Variants in PTPDC1 observed in about 807,000 individuals in gnomAD.
PTPDC1 encodes protein tyrosine phosphatase domain-containing protein 1.
A neutral mutation model predicts 75.3 loss-of-function variants in PTPDC1; 53 were observed. The ratio of observed to expected loss-of-function variants is 0.70; its 90% CI spans 0.56 to 0.88. The LOEUF (loss-of-function observed/expected upper bound fraction) is 0.88, where lower values mean the gene tolerates loss of function less well. PTPDC1 is among the 40% of genes least tolerant of loss of function. PTPDC1 has a pLI of 0.00. For missense variants in PTPDC1, 925 were observed against 998.6 expected, an observed-to-expected ratio of 0.93 and a Z score of 0.99; for synonymous variants, 349 against 366.2, an observed-to-expected ratio of 0.95 and a Z score of 0.54.
chr9:94,106,518 G>A (rs1350255327), intron 8 of PTPDC1, among the ~76,000 whole-genome samples: 1 of 152,154 alleles, frequency 6.6e-6, no homozygotes, highest in East Asian at 1.9e-4. Context: ...CATGAGACTT[G>A]AGAGACAAGG....
intron 7 of PTPDC1, among the ~76,000 whole-genome samples, chr9:94,103,034 G>A (rs1299814225): frequency 1.6e-5 from 2 of 128,794 alleles, no homozygotes; most frequent in Admixed American, 1.6e-4. Flanking sequence ...ACACATGGAC[G>A]GATGCACATG....
At chr9:94,048,896 G>A (rs182792528) in intron 1 of PTPDC1, among the ~76,000 whole-genome samples, 250 of 152,228 alleles carry the variant, frequency 1.6e-3, no homozygotes, top group South Asian at 0.014. Flanking sequence ...CTCCTGTATT[G>A]GGTGTATATA....
rs536882945 is a variant in PTPDC1, at chr9:94,077,241, A to C, written c.83-8010A>C. Among the ~76,000 whole-genome samples the C allele has an allele frequency of 9.2e-5, 14 of 152,332 alleles. No individual in the cohort carries two copies. In the South Asian group the frequency reaches 2.3e-3, roughly 25 times the overall value. ...TCTCATAACATGTTTCTGACACCAGATGTGCGGGGTTTTTTCCACACACCA... is the reference window on the plus strand; with the variant it reads ...TCTCATAACATGTTTCTGACACCAGCTGTGCGGGGTTTTTTCCACACACCA... On this transcript the variant is annotated intron_variant, in intron 2 of 9. Transcript: ENST00000375360.
In PTPDC1 at chr9:94,085,164, T is replaced by A. The variant is rs1587886226; in HGVS notation, c.245-87T>A. ...TTTTGCACTGGCTTGTCATCTACCA[T>A]CCTGAGATAAAATGGAAGCTATTTC... On this transcript the variant is annotated intron_variant, in intron 1 of 8. Coordinates refer to ENST00000620992, the MANE Select transcript of PTPDC1 (RefSeq NM_001253829.2). The A allele has an allele frequency of 6.6e-6, 8 of 1,208,810 alleles. No individual in the cohort carries two copies. In the East Asian group the frequency reaches 1.9e-4, roughly 29 times the overall value. The allele number at this position is 1,208,810 out of a possible 1,614,324, so 74.9% of individuals were successfully genotyped here.
chr9:94,088,534 A>T (rs1440477702), intron 4 of PTPDC1, among the ~76,000 whole-genome samples: 1 of 152,162 alleles, frequency 6.6e-6, no homozygotes, highest in Admixed American at 6.5e-5. Flanking sequence ...CTATTATCTC[A>T]TTTAACCCTT....
intron 2 of PTPDC1, among the ~76,000 whole-genome samples, chr9:94,077,814 A>C (rs1032626228): frequency 1.3e-5 from 2 of 152,188 alleles, no homozygotes; most frequent in African/African-American, 4.8e-5. Flanking sequence ...CTGTAATCCT[A>C]CCTTGGTCTT....
intron 7 of PTPDC1, among the ~76,000 whole-genome samples, chr9:94,103,033 CG>C (rs1312127740): frequency 7.0e-6 from 1 of 143,658 alleles, no homozygotes; most frequent in Admixed American, 7.1e-5. Context: ...GACACATGGA[CG>C]GATGCACATG....
chr9:94,059,119 T>C (rs1386900572), intron 1 of PTPDC1, among the ~76,000 whole-genome samples: 2 of 152,154 alleles, frequency 1.3e-5, no homozygotes, highest in African/African-American at 2.4e-5. Context: ...TTGACACTTA[T>C]CCTTGCGATA....
chr9:94,060,751 T>G (rs2118491244), intron 1 of PTPDC1, among the ~76,000 whole-genome samples: 1 of 152,246 alleles, frequency 6.6e-6, no homozygotes, highest in African/African-American at 2.4e-5. Flanking sequence ...TCACTCACTA[T>G]ACACTACCAA....
At chr9:94,057,555 C>T (rs762099761) in intron 1 of PTPDC1, among the ~76,000 whole-genome samples, 4 of 152,090 alleles carry the variant, frequency 2.6e-5, no homozygotes, top group African/African-American at 2.4e-5. Flanking sequence ...ACTTAAAAGC[C>T]AGGTGTTGTG....
chr9:94,061,536 G>T (rs1826137664), intron 1 of PTPDC1, among the ~76,000 whole-genome samples: 2 of 152,368 alleles, frequency 1.3e-5, no homozygotes, highest in South Asian at 4.1e-4. Flanking sequence ...CCTGCAGCAG[G>T]CTTCGGCCTG....
upstream of PTPDC1, among the ~76,000 whole-genome samples, chr9:94,082,439 T>C (rs891345518): frequency 2.0e-5 from 3 of 152,246 alleles, no homozygotes; most frequent in Non-Finnish European, 4.4e-5. Context: ...TGCCCACTTA[T>C]AGAAATTAAG....
chr9:94,058,263 C>T (rs1826007612), intron 1 of PTPDC1, among the ~76,000 whole-genome samples: 9 of 152,044 alleles, frequency 5.9e-5, no homozygotes. Context: ...TGGTTGAGTA[C>T]CGATCTGCAC....
rs1159709647 is a variant in PTPDC1 at position 94,109,475 on chromosome 9, T to C, written c.*1531T>C. On this transcript the variant is annotated 3_prime_UTR_variant, in exon 9 of 9. Transcript: ENST00000620992. Reference sequence around the variant, plus strand: ...GTTTTAATTTTCTTGGGAAATTGAGTCCAGTGGATGTTAATGGAGTGGGTT... The same window carrying C: ...GTTTTAATTTTCTTGGGAAATTGAGCCCAGTGGATGTTAATGGAGTGGGTT... 3.3e-5 allele frequency: 5 copies of C among 152,182 alleles called. No homozygotes were observed. Among genetic ancestry groups the C allele is most frequent in the African/African-American group, 1.2e-4 (5 of 41,430 alleles). The allele number at this position is 152,182 out of a possible 1,614,324, so 9.4% of individuals were successfully genotyped here.
chr9:94,042,638 A>G (rs1205761352), intron 1 of PTPDC1, among the ~76,000 whole-genome samples: 1 of 152,212 alleles, frequency 6.6e-6, no homozygotes, highest in Non-Finnish European at 1.5e-5. Context: ...ATGGCTGCTG[A>G]CTGATCGGGA....
At chr9:94,073,536 A>G (rs2117914400) in intron 2 of PTPDC1, among the ~76,000 whole-genome samples, 1 of 152,092 alleles carries the variant, frequency 6.6e-6, no homozygotes, top group East Asian at 1.9e-4. Flanking sequence ...AATTTTCTTC[A>G]CAGAGCCAGC....
intron 2 of PTPDC1, among the ~76,000 whole-genome samples, chr9:94,068,013 T>C (rs2117887849): frequency 6.6e-6 from 1 of 152,350 alleles, no homozygotes; most frequent in African/African-American, 2.4e-5. Flanking sequence ...TGTATTTTGC[T>C]GATAATATCG....
At chr9:94,061,995 T>A (rs1826157061) in intron 1 of PTPDC1, among the ~76,000 whole-genome samples, 1 of 152,242 alleles carries the variant, frequency 6.6e-6, no homozygotes, top group African/African-American at 2.4e-5. Context: ...GGCTGCAAAT[T>A]TTCCAAACTT....
At chr9:94,031,624 T>C (rs1829728955) in intron 1 of PTPDC1, among the ~76,000 whole-genome samples, 1 of 152,126 alleles carries the variant, frequency 6.6e-6, no homozygotes, top group South Asian at 2.1e-4. Flanking sequence ...ATGGGTGATA[T>C]TGCTCATGTT....
Sources: gnomAD v4.1 joint callset for allele counts (sites outside exome capture counted in the v4.1 genomes callset) on GRCh38, gnomAD v4.1.1 for gene constraint, MANE v1.5 for transcripts, NCBI Gene and HGNC (gene_info 2026-07-23, HGNC 2026-07-21) for gene names.